Variants in SLC4A4 observed in about 807,000 individuals in gnomAD.
SLC4A4 encodes electrogenic sodium bicarbonate cotransporter 1.
A neutral mutation model predicts 111.5 loss-of-function variants in SLC4A4; 27 were observed. That is an observed-to-expected ratio of 0.24 (90% CI 0.18 to 0.33). The LOEUF is 0.33. Ranked by LOEUF, SLC4A4 falls within the 10% of genes least tolerant of loss-of-function variation. SLC4A4 has a pLI of 1.00. For missense variants in SLC4A4, 909 were observed against 1,315.5 expected (o/e 0.69, Z 4.78); for synonymous variants, 443 against 463.4 (o/e 0.96, Z 0.57).
At chr4:71,281,581 C>T (rs1723520379) in intron 3 of SLC4A4, among the ~76,000 whole-genome samples, 2 of 152,130 alleles carry the variant, frequency 1.3e-5, no homozygotes, top group Admixed American at 1.3e-4. Flanking sequence ...AAAATGGACT[C>T]TGGTTTGATC....
chr4:71,314,292 G>T (rs1440113162), intron 3 of SLC4A4, among the ~76,000 whole-genome samples: 1 of 152,178 alleles, frequency 6.6e-6, no homozygotes, highest in East Asian at 1.9e-4. Context: ...TGAGGATGTG[G>T]AGAATTAGGA....
intron 15 of SLC4A4, among the ~76,000 whole-genome samples, chr4:71,495,286 C>A (rs1403428614): frequency 1.3e-5 from 2 of 152,070 alleles, no homozygotes; most frequent in Admixed American, 6.6e-5. Flanking sequence ...TATCTGTGGG[C>A]AACTCTAGTT....
At chr4:71,220,184 A>T (rs1001364467) in intron 1 of SLC4A4, among the ~76,000 whole-genome samples, 1 of 152,244 alleles carries the variant, frequency 6.6e-6, no homozygotes, top group Non-Finnish European at 1.5e-5. Flanking sequence ...GGCAAACTTT[A>T]TTGTCCATCA....
chr4:71,496,158 C>G (rs777307127), intron 15 of SLC4A4, among the ~76,000 whole-genome samples: 1 of 152,034 alleles, frequency 6.6e-6, no homozygotes, highest in Non-Finnish European at 1.5e-5. Context: ...CTATTGAATA[C>G]TAAGGGTGAT....
At chr4:71,461,884 T>C (rs1460116067) in intron 12 of SLC4A4, among the ~76,000 whole-genome samples, 1 of 152,190 alleles carries the variant, frequency 6.6e-6, no homozygotes, top group Non-Finnish European at 1.5e-5. Context: ...TTTATTATCA[T>C]TGACTTGCAC....
chr4:71,111,960 G>A (rs192504921), intron 2 of SLC4A4, among the ~76,000 whole-genome samples: 3 of 152,194 alleles, frequency 2.0e-5, no homozygotes, highest in Non-Finnish European at 4.4e-5. Flanking sequence ...GCCTTCCAAA[G>A]TGCTGAGATT....
intron 12 of SLC4A4, 64 bp downstream of exon 12, chr4:71,453,733 C>A: frequency 6.8e-7 from 1 of 1,475,428 alleles, no homozygotes; most frequent in Non-Finnish European, 9.5e-7. Context: ...ACCCCTACAG[C>A]TCAGTTAGAA....
intron 2 of SLC4A4, among the ~76,000 whole-genome samples, chr4:71,142,250 A>G (rs1744016992): frequency 6.6e-6 from 1 of 152,242 alleles, no homozygotes; most frequent in African/African-American, 2.4e-5. Flanking sequence ...AGTTTGCCTC[A>G]TGAGTAGCCG....
At chr4:71,288,467 CG>C (rs1464511841) in intron 3 of SLC4A4, among the ~76,000 whole-genome samples, 2 of 151,838 alleles carry the variant, frequency 1.3e-5, no homozygotes, top group African/African-American at 2.4e-5. Flanking sequence ...GGCGTGATCT[CG>C]GCTCACTGCA....
intron 18 of SLC4A4, among the ~76,000 whole-genome samples, chr4:71,536,465 C>T (rs3078363): frequency 0.77 from 29,689 of 38,380 alleles, 11,727 homozygotes; most frequent in East Asian, 0.95. Context: ...TACATATATA[C>T]ATATATATAT....
intron 7 of SLC4A4, among the ~76,000 whole-genome samples, chr4:71,436,574 A>G (rs1470469767): frequency 3.9e-5 from 6 of 152,148 alleles, no homozygotes; most frequent in African/African-American, 1.4e-4. Context: ...TTTTGCACTA[A>G]CCTAATAGTA....
At chr4:71,428,329 A>G (rs572592762) in intron 7 of SLC4A4, among the ~76,000 whole-genome samples, 24 of 152,242 alleles carry the variant, frequency 1.6e-4, no homozygotes, top group Middle Eastern at 3.4e-3. Flanking sequence ...CACTGCCTAA[A>G]AGCCAGTCTC....
intron 2 of SLC4A4, among the ~76,000 whole-genome samples, chr4:71,092,964 G>A (rs1461149994): frequency 6.6e-5 from 10 of 151,858 alleles, no homozygotes; most frequent in East Asian, 3.9e-4. Flanking sequence ...GCGTGGTGGC[G>A]TGCGCCTGTA....
At chr4:71,511,312 A>G (rs1731892864) in intron 16 of SLC4A4, among the ~76,000 whole-genome samples, 2 of 152,042 alleles carry the variant, frequency 1.3e-5, no homozygotes, top group South Asian at 4.1e-4. Flanking sequence ...GTGGCAGTGA[A>G]CTTGCTCAGC....
intron 3 of SLC4A4, among the ~76,000 whole-genome samples, chr4:71,331,788 A>C (rs1237496640): frequency 1.3e-5 from 2 of 151,246 alleles, no homozygotes; most frequent in Admixed American, 1.3e-4. Context: ...CTTTAAATTC[A>C]GCTGTGAAAC....
intron 6 of SLC4A4, among the ~76,000 whole-genome samples, chr4:71,371,089 A>C (rs1394707291): frequency 6.6e-6 from 1 of 152,160 alleles, no homozygotes; most frequent in Non-Finnish European, 1.5e-5. Context: ...TGTGCAAAGT[A>C]GTGTTAAATA....
At chr4:71,501,019 T>C (rs1730873868) in intron 16 of SLC4A4, among the ~76,000 whole-genome samples, 1 of 152,224 alleles carries the variant, frequency 6.6e-6, no homozygotes. Context: ...GGATAGGGTT[T>C]GCTTTGCATC....
At chr4:71,514,985 G>A (rs1428192954) in intron 16 of SLC4A4, among the ~76,000 whole-genome samples, 1 of 151,846 alleles carries the variant, frequency 6.6e-6, no homozygotes, top group Non-Finnish European at 1.5e-5. Context: ...GTATTTGTTA[G>A]TTCTGCTCTG....
intron 11 of SLC4A4, among the ~76,000 whole-genome samples, chr4:71,452,349 G>A (rs146347963): frequency 6.6e-6 from 1 of 152,038 alleles, no homozygotes; most frequent in East Asian, 1.9e-4. Context: ...TTACAGACAT[G>A]AGTTCTGGGC....
Sources: allele counts gnomAD v4.1 joint callset (sites outside exome capture counted in the v4.1 genomes callset), GRCh38; gene constraint gnomAD v4.1.1; transcripts MANE v1.5; gene names NCBI Gene and HGNC (gene_info 2026-07-23, HGNC 2026-07-21).